NFIB: variants seen among roughly 807,000 people sequenced by gnomAD.
NFIB encodes nuclear factor I B.
Under a neutral mutation model 61.5 loss-of-function variants are expected in NFIB, and 11 were observed. The ratio of observed to expected loss-of-function variants is 0.18; its 90% confidence interval spans 0.11 to 0.30. The LOEUF is 0.30. Ranked by LOEUF, NFIB falls within the 10% of genes least tolerant of loss-of-function variation. The pLI is 1.00. For missense variants in NFIB, 471 were observed against 608.9 expected (o/e 0.77, Z 2.38); for synonymous variants, 260 against 216.5 (o/e 1.20, Z -1.76).
intron 2 of NFIB, among the ~76,000 whole-genome samples, chr9:14,191,569 T>G (rs2047950676): frequency 6.6e-6 from 1 of 152,204 alleles, no homozygotes; most frequent in African/African-American, 2.4e-5. Flanking sequence ...GTTACTCATT[T>G]TATCTTTAAT....
At chr9:14,475,880 A>G in the NFIB span, among the ~76,000 whole-genome samples, 2 of 152,172 alleles carry the variant, frequency 1.3e-5, no homozygotes. Flanking sequence ...TTCTTCAGCT[A>G]CAATACCACT....
intron 2 of NFIB, among the ~76,000 whole-genome samples, chr9:14,290,313 C>G (rs564656860): frequency 1.3e-5 from 2 of 152,132 alleles, no homozygotes; most frequent in East Asian, 3.9e-4. Context: ...ATATTTTTCT[C>G]CGCACTTTAG....
intron 5 of NFIB, 116 bp downstream of exon 5, chr9:14,150,029 C>T: frequency 7.0e-7 from 1 of 1,426,256 alleles, no homozygotes; most frequent in Non-Finnish European, 9.5e-7. Context: ...CTGTGTACTA[C>T]CAGCAAAAAT....
chr9:14,467,121 G>A, the NFIB span, among the ~76,000 whole-genome samples: 2 of 152,124 alleles, frequency 1.3e-5, no homozygotes, highest in African/African-American at 4.8e-5. Context: ...GTTGGGTGGT[G>A]GGGGAATAGT....
chr9:14,466,382 A>G, the NFIB span, among the ~76,000 whole-genome samples: 1 of 152,176 alleles, frequency 6.6e-6, no homozygotes, highest in Non-Finnish European at 1.5e-5. Flanking sequence ...CTCTGACAGC[A>G]CACTCTGCAC....
At chr9:14,226,869 G>T (rs2052492304) in intron 2 of NFIB, among the ~76,000 whole-genome samples, 1 of 152,128 alleles carries the variant, frequency 6.6e-6, no homozygotes, top group Non-Finnish European at 1.5e-5. Context: ...GCCAGGCACG[G>T]TGGTGCACAC....
intron 1 of NFIB, among the ~76,000 whole-genome samples, chr9:14,368,760 C>G (rs1564035102): frequency 6.6e-6 from 1 of 152,120 alleles, no homozygotes; most frequent in Non-Finnish European, 1.5e-5. Flanking sequence ...TTGGTGCTTT[C>G]AGAGAGAGAA....
At chr9:14,515,093 G>C in the NFIB span, among the ~76,000 whole-genome samples, 1 of 152,126 alleles carries the variant, frequency 6.6e-6, no homozygotes, top group Non-Finnish European at 1.5e-5. Context: ...ACTGCAGCTA[G>C]AATTGGGGGC....
At chr9:14,471,990 T>A in the NFIB span, among the ~76,000 whole-genome samples, 1 of 152,214 alleles carries the variant, frequency 6.6e-6, no homozygotes, top group Non-Finnish European at 1.5e-5. Flanking sequence ...GTTATATTTT[T>A]CCTTCAATGA....
At chr9:14,236,046 G>A (rs2053706137) in intron 2 of NFIB, among the ~76,000 whole-genome samples, 1 of 152,134 alleles carries the variant, frequency 6.6e-6, no homozygotes, top group Non-Finnish European at 1.5e-5. Flanking sequence ...ATTTTTTAAA[G>A]ACATATTTAA....
chr9:14,475,032 T>G, the NFIB span, among the ~76,000 whole-genome samples: 3 of 152,218 alleles, frequency 2.0e-5, no homozygotes, highest in Admixed American at 2.0e-4. Flanking sequence ...GCTAATGTCT[T>G]GCAGAAACTC....
At chr9:14,155,739 A>T in intron 4 of NFIB, 86 bp downstream of exon 4, 1 of 665,442 alleles carries the variant, frequency 1.5e-6, no homozygotes, top group Admixed American at 3.6e-5. Context: ...ATATGTGGTC[A>T]CTCTTTATAC....
intron 2 of NFIB, among the ~76,000 whole-genome samples, chr9:14,268,947 T>C (rs1241386293): frequency 2.6e-5 from 4 of 152,208 alleles, no homozygotes; most frequent in Non-Finnish European, 5.9e-5. Flanking sequence ...AGTACAACCA[T>C]TTATTAAATT....
intron 9 of NFIB, among the ~76,000 whole-genome samples, chr9:14,115,406 A>T (rs1007901117): frequency 3.3e-5 from 5 of 152,202 alleles, no homozygotes; most frequent in African/African-American, 1.2e-4. Flanking sequence ...TTCCAGCTCC[A>T]GTACTAAGAA....
the NFIB span, among the ~76,000 whole-genome samples, chr9:14,461,086 A>G: frequency 1.3e-5 from 2 of 152,094 alleles, no homozygotes; most frequent in Non-Finnish European, 2.9e-5. Flanking sequence ...AAGGCTGGAT[A>G]AGCTCAATCT....
rs2118330067 is a variant in NFIB, at chr9:14,082,703, A to G, written c.*5606T>C. 1 of 193,140 alleles carries G rather than the reference A, an allele frequency of 5.2e-6. No individual in the cohort carries two copies. The highest frequency in any genetic ancestry group is 2.0e-4 in the South Asian group (1 of 5,056). 12.0% of individuals were successfully genotyped at this position (193,140 alleles called of 1,614,324 possible). ...TTTGTTTGTTTCTTTCTTGTTTTGCATCAACTTTTATCAGTCCATGCAACT... is the reference window on the plus strand; with the variant it reads ...TTTGTTTGTTTCTTTCTTGTTTTGCGTCAACTTTTATCAGTCCATGCAACT... On this transcript the variant is annotated 3_prime_UTR_variant, in exon 11 of 11. Transcript: ENST00000380953.
the NFIB span, among the ~76,000 whole-genome samples, chr9:14,521,504 G>T: frequency 1.8e-3 from 281 of 152,244 alleles, 1 homozygote; most frequent in African/African-American, 6.5e-3. Flanking sequence ...CTGTGAAATG[G>T]GAATTACATA....
intron 3 of NFIB, among the ~76,000 whole-genome samples, chr9:14,178,110 A>T (rs1304537350): frequency 6.6e-6 from 1 of 152,152 alleles, no homozygotes; most frequent in Non-Finnish European, 1.5e-5. Flanking sequence ...CTCTTTTTCT[A>T]CCAAAGGTTC....
At chr9:14,139,730 G>A (rs1428737186) in intron 6 of NFIB, among the ~76,000 whole-genome samples, 1 of 152,096 alleles carries the variant, frequency 6.6e-6, no homozygotes, top group Non-Finnish European at 1.5e-5. Context: ...CATGAAGGGG[G>A]AACAAACATT....
Sources: allele counts gnomAD v4.1 joint callset (sites outside exome capture counted in the v4.1 genomes callset), GRCh38; gene constraint gnomAD v4.1.1; transcripts MANE v1.5; gene names NCBI Gene and HGNC (gene_info 2026-07-23, HGNC 2026-07-21).